WWOX: variants seen among roughly 807,000 people sequenced by gnomAD.
WWOX encodes WW domain-containing oxidoreductase.
In WWOX, 69 loss-of-function variants were observed where a neutral mutation model predicts 46.2. The observed-to-expected ratio is 1.49, with a 90% CI of 1.23 to 1.82. WWOX has a LOEUF of 1.82. Ranked by LOEUF, WWOX falls within the 40% of genes most tolerant of loss-of-function variation. The pLI is 0.00. For missense variants in WWOX, 919 were observed against 542.6 expected (o/e 1.69, Z -6.89); for synonymous variants, 359 against 202.6 (o/e 1.77, Z -6.56).
chr16:78,790,817 A>G (rs2050577980), intron 8 of WWOX, among the ~76,000 whole-genome samples: 1 of 151,884 alleles, frequency 6.6e-6, no homozygotes, highest in Non-Finnish European at 1.5e-5. Flanking sequence ...CCTAGGGTTG[A>G]AGACCAGCCT....
chr16:78,296,291 C>G (rs2151863837), intron 5 of WWOX, among the ~76,000 whole-genome samples: 1 of 151,790 alleles, frequency 6.6e-6, no homozygotes, highest in Admixed American at 6.6e-5. Flanking sequence ...GGTAATAATA[C>G]TTTTTTACAT....
At chr16:79,117,039 A>G (rs1219030474) in intron 8 of WWOX, among the ~76,000 whole-genome samples, 2 of 133,520 alleles carry the variant, frequency 1.5e-5, no homozygotes, top group African/African-American at 5.4e-5. Flanking sequence ...AACAAGTGGA[A>G]TATTTTTATT....
chr16:78,892,930 C>A (rs947885610), intron 8 of WWOX, among the ~76,000 whole-genome samples: 1 of 152,172 alleles, frequency 6.6e-6, no homozygotes, highest in African/African-American at 2.4e-5. Flanking sequence ...AATGAAGGGT[C>A]TTTTCTGTCC....
At chr16:79,026,571 T>A (rs945417549) in intron 8 of WWOX, among the ~76,000 whole-genome samples, 3 of 150,234 alleles carry the variant, frequency 2.0e-5, no homozygotes, top group Non-Finnish European at 3.0e-5. Context: ...TGCACTCTCC[T>A]GCCTCTAGGG....
chr16:79,165,873 C>G (rs542706712), intron 8 of WWOX, among the ~76,000 whole-genome samples: 2 of 152,308 alleles, frequency 1.3e-5, no homozygotes, highest in Non-Finnish European at 2.9e-5. Context: ...TCTAAGCACC[C>G]GTCCCTCTTC....
At chr16:78,318,711 G>A in intron 5 of WWOX, among the ~76,000 whole-genome samples, 1 of 152,112 alleles carries the variant, frequency 6.6e-6, no homozygotes, top group South Asian at 2.1e-4. Flanking sequence ...CATAATTTCT[G>A]TAAGTACTGG....
intron 8 of WWOX, among the ~76,000 whole-genome samples, chr16:78,813,621 C>A (rs1394672641): frequency 6.6e-6 from 1 of 152,096 alleles, no homozygotes; most frequent in South Asian, 2.1e-4. Flanking sequence ...GTGTTCATCA[C>A]GTATCCATTG....
At chr16:78,557,689 A>ATTTTTTTTTCTT (rs2044336610) in intron 8 of WWOX, among the ~76,000 whole-genome samples, 1 of 96,648 alleles carries the variant, frequency 1.0e-5, no homozygotes, top group Non-Finnish European at 1.9e-5. Flanking sequence ...CTAGGGAAGG[A>ATTTTTTTTTCTT]TTTTTTTTTT....
chr16:78,304,486 A>G (rs1016553246), intron 5 of WWOX, among the ~76,000 whole-genome samples: 3 of 152,218 alleles, frequency 2.0e-5, no homozygotes, highest in African/African-American at 4.8e-5. Context: ...CAGCACACCC[A>G]TAGTGCTAGG....
chr16:78,974,373 G>T (rs529991470), intron 8 of WWOX, among the ~76,000 whole-genome samples: 1 of 152,180 alleles, frequency 6.6e-6, no homozygotes, highest in African/African-American at 2.4e-5. Context: ...TGAACAGTAC[G>T]TGGGTTCTTC....
At chr16:79,173,197 C>G (rs866778185) in intron 8 of WWOX, among the ~76,000 whole-genome samples, 2 of 152,192 alleles carry the variant, frequency 1.3e-5, no homozygotes, top group African/African-American at 4.8e-5. Context: ...GCAGAGTGAA[C>G]CCTTTCGGTT....
intron 8 of WWOX, among the ~76,000 whole-genome samples, chr16:78,705,136 G>A (rs542530112): frequency 1.3e-5 from 2 of 152,256 alleles, no homozygotes; most frequent in Non-Finnish European, 2.9e-5. Context: ...AGAAAAGGCT[G>A]TGATTTTCTT....
At chr16:78,464,615 G>T (rs183377942) in intron 8 of WWOX, among the ~76,000 whole-genome samples, 4 of 152,252 alleles carry the variant, frequency 2.6e-5, no homozygotes, top group South Asian at 4.1e-4. Context: ...AGCAAGTCAG[G>T]ATTTGAAGGC....
intron 8 of WWOX, among the ~76,000 whole-genome samples, chr16:78,660,008 C>T (rs1006673873): frequency 6.6e-6 from 1 of 152,128 alleles, no homozygotes; most frequent in Admixed American, 6.5e-5. Flanking sequence ...TTAATTGATC[C>T]TCATTTCCTA....
chr16:78,602,474 C>T (rs1017984865), intron 8 of WWOX, among the ~76,000 whole-genome samples: 40 of 152,168 alleles, frequency 2.6e-4, no homozygotes, highest in African/African-American at 9.4e-4. Flanking sequence ...CCTTGTGATC[C>T]ACCCACCTCG....
chr16:78,367,849 C>T (rs1411976490), intron 5 of WWOX, among the ~76,000 whole-genome samples: 2 of 152,140 alleles, frequency 1.3e-5, no homozygotes, highest in South Asian at 2.1e-4. Flanking sequence ...CTCTGCCTCC[C>T]GAGTTCAAGC....
chr16:78,366,184 CA>C (rs1169309897), intron 5 of WWOX, among the ~76,000 whole-genome samples: 1 of 152,176 alleles, frequency 6.6e-6, no homozygotes, highest in African/African-American at 2.4e-5. Context: ...AAATGCATTT[CA>C]AAAAGCTTTC....
chr16:78,912,819 A>T (rs771484513), intron 8 of WWOX, among the ~76,000 whole-genome samples: 2 of 152,096 alleles, frequency 1.3e-5, no homozygotes, highest in South Asian at 4.1e-4. Flanking sequence ...GAAGATATAC[A>T]AGGTTCTCCC....
chr16:79,054,825 T>C (rs182093440), intron 8 of WWOX, among the ~76,000 whole-genome samples: 115 of 152,248 alleles, frequency 7.6e-4, no homozygotes, highest in Non-Finnish European at 1.2e-3. Flanking sequence ...GACCTTTGTC[T>C]CAAAACAAAC....
Sources: gnomAD v4.1 joint callset for allele counts (sites outside exome capture counted in the v4.1 genomes callset) on GRCh38, gnomAD v4.1.1 for gene constraint, MANE v1.5 for transcripts, NCBI Gene and HGNC (gene_info 2026-07-23, HGNC 2026-07-21) for gene names.